TRHDE: variants seen among roughly 807,000 people sequenced by gnomAD.
The protein encoded by TRHDE is thyrotropin releasing hormone degrading enzyme, also known as thyrotropin-releasing hormone-degrading ectoenzyme.
Under a neutral mutation model 125.7 loss-of-function variants are expected in TRHDE, and 72 were observed. That is an observed-to-expected ratio of 0.57 (90% CI 0.47 to 0.70). TRHDE has a LOEUF of 0.70. Ranked by LOEUF, TRHDE falls within the 30% of genes least tolerant of loss-of-function variation. TRHDE has a pLI of 0.00. For missense variants in TRHDE, 1,110 were observed against 1,327.1 expected, an observed-to-expected ratio of 0.84 and a Z score of 2.54; for synonymous variants, 509 against 509.1, an observed-to-expected ratio of 1.00 and a Z score of 0.00.
chr12:72,286,943 A>C lies in TRHDE; in HGVS notation c.1177A>C (p.Ser393Arg). The C allele has an allele frequency of 6.2e-7, 1 of 1,613,646 alleles. No individual in the cohort carries two copies. The highest frequency in any genetic ancestry group is 8.5e-7 in the Non-Finnish European group (1 of 1,179,832). The change falls in exon 2 of 19, where the codon AGT becomes CGT. Residue 393 changes from serine (S) to arginine (R), a missense_variant. By Grantham distance (110) the Ser-to-Arg change is moderately radical. Coordinates refer to ENST00000261180, the MANE Select transcript of TRHDE (RefSeq NM_013381.3). ...NFTYRETTTK[S>R]GVVVRLYARP... ...CACATACAGAGAAACTACCACCAAG[A>C]GTGGGGTTGTAGTAAGTATTTTCAG...
intron 2 of TRHDE, among the ~76,000 whole-genome samples, chr12:72,376,109 A>C (rs180847096): frequency 6.6e-6 from 1 of 152,286 alleles, no homozygotes; most frequent in African/African-American, 2.4e-5. Context: ...CCAGTAGCCA[A>C]TGACAAGGTG....
intron 12 of TRHDE, among the ~76,000 whole-genome samples, chr12:72,615,058 TG>T (rs1022233984): frequency 6.6e-6 from 1 of 152,156 alleles, no homozygotes; most frequent in Non-Finnish European, 1.5e-5. Flanking sequence ...GAGGAGCAGC[TG>T]TCTAGCTGCA....
intron 2 of TRHDE, among the ~76,000 whole-genome samples, chr12:72,177,040 TC>T (rs569450583): frequency 2.2e-4 from 33 of 152,172 alleles, no homozygotes; most frequent in African/African-American, 7.5e-4. Flanking sequence ...GGAATGGCTA[TC>T]CCCACAATTC....
chr12:72,382,311 T>C (rs1191495752), intron 3 of TRHDE, among the ~76,000 whole-genome samples: 4 of 150,526 alleles, frequency 2.7e-5, no homozygotes, highest in African/African-American at 9.8e-5. Flanking sequence ...CAGGTGTGCT[T>C]AAAAGCAAAT....
intron 2 of TRHDE, among the ~76,000 whole-genome samples, chr12:72,187,458 T>G: frequency 7.6e-6 from 1 of 132,218 alleles, no homozygotes. Flanking sequence ...GTGGTGGTGG[T>G]GGTGGTGGTG....
At chr12:72,523,271 G>T (rs1247717454) in intron 6 of TRHDE, among the ~76,000 whole-genome samples, 4 of 151,978 alleles carry the variant, frequency 2.6e-5, no homozygotes, top group African/African-American at 9.7e-5. Context: ...ATGAAAAGGT[G>T]CTAGATTACC....
chr12:72,596,831 G>T (rs530994724), intron 12 of TRHDE, among the ~76,000 whole-genome samples: 2 of 152,256 alleles, frequency 1.3e-5, no homozygotes, highest in African/African-American at 4.8e-5. Context: ...GAATGTAGAA[G>T]AAGGAGGAAA....
intron 2 of TRHDE, among the ~76,000 whole-genome samples, chr12:72,358,714 A>C (rs1289627480): frequency 2.0e-5 from 3 of 151,694 alleles, no homozygotes; most frequent in Non-Finnish European, 4.4e-5. Context: ...AGCCAAGCCA[A>C]AAGAGAGTTA....
At chr12:72,410,904 A>C (rs913923483) in intron 3 of TRHDE, among the ~76,000 whole-genome samples, 1 of 152,012 alleles carries the variant, frequency 6.6e-6, no homozygotes, top group African/African-American at 2.4e-5. Context: ...ATTAAAAACA[A>C]CATACAGGCC....
At chr12:72,381,657 A>G (rs1872190638) in intron 3 of TRHDE, among the ~76,000 whole-genome samples, 1 of 152,020 alleles carries the variant, frequency 6.6e-6, no homozygotes, top group Non-Finnish European at 1.5e-5. Flanking sequence ...CGGCCTCCCA[A>G]AGTGCTGGGA....
At chr12:72,588,124 G>A (rs1871520918) in intron 12 of TRHDE, among the ~76,000 whole-genome samples, 1 of 152,160 alleles carries the variant, frequency 6.6e-6, no homozygotes, top group Non-Finnish European at 1.5e-5. Flanking sequence ...AATGCTTATA[G>A]TGCATTGACC....
At chr12:72,659,520 C>T (rs1032244622) in intron 18 of TRHDE, among the ~76,000 whole-genome samples, 2 of 151,972 alleles carry the variant, frequency 1.3e-5, no homozygotes, top group Non-Finnish European at 2.9e-5. Flanking sequence ...TGTAATAGGG[C>T]AATAGTTAAT....
chr12:72,535,688 A>G (rs954860792), intron 6 of TRHDE, among the ~76,000 whole-genome samples: 3 of 146,204 alleles, frequency 2.1e-5, no homozygotes, highest in African/African-American at 7.7e-5. Context: ...ATTATTATGG[A>G]AAAAAAAAAC....
At chr12:72,376,193 C>T (rs1871873572) in intron 2 of TRHDE, among the ~76,000 whole-genome samples, 1 of 152,182 alleles carries the variant, frequency 6.6e-6, no homozygotes, top group South Asian at 2.1e-4. Context: ...CTCCAGAGCT[C>T]CTGTGGATCA....
intron 2 of TRHDE, among the ~76,000 whole-genome samples, chr12:72,249,001 G>A (rs1474248205): frequency 6.6e-6 from 1 of 151,952 alleles, no homozygotes; most frequent in Non-Finnish European, 1.5e-5. Flanking sequence ...GGAGACAAAG[G>A]GTGTTGAGCT....
intron 2 of TRHDE, among the ~76,000 whole-genome samples, chr12:72,203,214 C>A (rs778231704): frequency 6.6e-6 from 1 of 152,146 alleles, no homozygotes; most frequent in South Asian, 2.1e-4. Context: ...GTAATCCCAG[C>A]ACTTTGGGAG....
At chr12:72,114,914 A>G (rs780381617) in intron 2 of TRHDE, among the ~76,000 whole-genome samples, 5 of 152,122 alleles carry the variant, frequency 3.3e-5, no homozygotes, top group Admixed American at 1.3e-4. Context: ...TGGGTTAACT[A>G]CAAGATAAAT....
At chr12:72,199,196 G>C (rs1293439637) in intron 2 of TRHDE, among the ~76,000 whole-genome samples, 1 of 152,078 alleles carries the variant, frequency 6.6e-6, no homozygotes, top group Non-Finnish European at 1.5e-5. Flanking sequence ...CCTTTCCTTT[G>C]ACTGGAGTGA....
intron 2 of TRHDE, among the ~76,000 whole-genome samples, chr12:72,144,853 G>T (rs1231452143): frequency 1.3e-5 from 2 of 152,110 alleles, no homozygotes; most frequent in African/African-American, 4.8e-5. Context: ...GCCCCTCTTG[G>T]TATGTAACAT....
Sources: allele counts gnomAD v4.1 joint callset (sites outside exome capture counted in the v4.1 genomes callset), GRCh38; gene constraint gnomAD v4.1.1; transcripts MANE v1.5; gene names NCBI Gene and HGNC (gene_info 2026-07-23, HGNC 2026-07-21).